TACR1: variants seen among roughly 807,000 people sequenced by gnomAD.
TACR1 encodes the protein substance-P receptor.
A neutral mutation model predicts 35.8 loss-of-function variants in TACR1; 25 were observed. The ratio of observed to expected loss-of-function variants is 0.70; its 90% confidence interval spans 0.51 to 0.98. The LOEUF (loss-of-function observed/expected upper bound fraction) is 0.98, where lower values mean the gene tolerates loss of function less well. Among genes scored for constraint, TACR1 ranks in the 50% least tolerant of loss-of-function variants. The pLI is 0.00. For synonymous variants in TACR1, 195 were observed against 206.7 expected (o/e 0.94, Z 0.48); for missense variants, 478 against 522.9 (o/e 0.91, Z 0.84).
At chr2:75,182,049 C>T (rs918647553) in intron 1 of TACR1, among the ~76,000 whole-genome samples, 1 of 152,224 alleles carries the variant, frequency 6.6e-6, no homozygotes, top group Non-Finnish European at 1.5e-5. Flanking sequence ...CAGGTACTTT[C>T]TAACTTTCTG....
Position 75,120,428 on chromosome 2 carries a change from A to T in TACR1, c.584+146T>A, listed in dbSNP as rs2103908582. 7.5e-6 allele frequency: 5 copies of T among 662,528 alleles called. No individual in the cohort carries two copies. The South Asian group carries it at 1.2e-4, about 16-fold the overall frequency. The allele number at this position is 662,528 out of a possible 1,614,324, so 41.0% of individuals were successfully genotyped here. ...TGACAACTGTGGACATATCAACCTGATATGAGGGTATATGTGAGAAATGCT... is the reference window on the plus strand; with the variant it reads ...TGACAACTGTGGACATATCAACCTGTTATGAGGGTATATGTGAGAAATGCT... On this transcript the variant is annotated intron_variant, in intron 2 of 4. Coordinates refer to ENST00000305249, the MANE Select transcript of TACR1 (RefSeq NM_001058.4).
chr2:75,140,987 CTTT>C (rs1415916406), intron 1 of TACR1, among the ~76,000 whole-genome samples: 1 of 152,124 alleles, frequency 6.6e-6, no homozygotes, highest in African/African-American at 2.4e-5. Context: ...GAGACTATGT[CTTT>C]TTTCCTTCTC....
intron 1 of TACR1, among the ~76,000 whole-genome samples, chr2:75,146,627 G>A (rs752632753): frequency 3.3e-4 from 50 of 152,170 alleles, no homozygotes; most frequent in Non-Finnish European, 5.4e-4. Flanking sequence ...GGATTATTGC[G>A]TTACTTGTGA....
chr2:75,196,297 C>T (rs1471899306), intron 1 of TACR1, among the ~76,000 whole-genome samples: 1 of 152,122 alleles, frequency 6.6e-6, no homozygotes, highest in African/African-American at 2.4e-5. Context: ...GAAATATATT[C>T]ATTGGAAGGC....
intron 1 of TACR1, among the ~76,000 whole-genome samples, chr2:75,173,019 AAAT>A (rs1264240533): frequency 2.6e-5 from 4 of 152,130 alleles, no homozygotes; most frequent in Non-Finnish European, 5.9e-5. Flanking sequence ...TCCTATCAGC[AAAT>A]AAGGCCACAT....
Position 75,090,140 on chromosome 2 carries a change from C to T in TACR1, c.584+30434G>A, listed in dbSNP as rs78844206. On this transcript the variant is annotated intron_variant, in intron 2 of 4. Transcript: ENST00000305249. ...ACCATCTTGCTGGGGTGTGCAGTTC[C>T]CTGCTGTGCCCTCCCCTGAATGTCC... Among the ~76,000 whole-genome samples the T allele has an allele frequency of 1.9e-4, 29 of 152,302 alleles. 1 individual carries two copies. The East Asian group carries it at 5.6e-3, about 29-fold the overall frequency.
In TACR1 at chr2:75,165,146, C is replaced by T. The variant is rs186020377; in HGVS notation, c.389+33400G>A. Among the ~76,000 whole-genome samples, 501 of 152,268 alleles carry T rather than the reference C, an allele frequency of 3.3e-3. 3 individuals are homozygous for T. The highest frequency in any genetic ancestry group is 0.011 in the African/African-American group (452 of 41,540). On this transcript the variant is annotated intron_variant, in intron 1 of 4. Coordinates refer to ENST00000305249, the MANE Select transcript of TACR1 (RefSeq NM_001058.4). ...TTGGATTAGATTCCTATAACGAAAA[C>T]CACTAAGACAAAATACCTCAGCATA...
chr2:75,121,507 C>G (rs1014462873), intron 1 of TACR1, among the ~76,000 whole-genome samples: 1 of 152,204 alleles, frequency 6.6e-6, no homozygotes, highest in Admixed American at 6.5e-5. Context: ...TCCTCCATCG[C>G]TTCATTCCTG....
intron 1 of TACR1, among the ~76,000 whole-genome samples, chr2:75,195,715 GATT>G (rs1675954687): frequency 6.6e-6 from 1 of 152,022 alleles, no homozygotes; most frequent in Non-Finnish European, 1.5e-5. Flanking sequence ...ATATTCCTTA[GATT>G]ATTAATTATA....
At chr2:75,154,406 G>GCGCGCGCGCGCGCGCACACACACACA (rs1264139655) in intron 1 of TACR1, 1 of 78,514 alleles carries the variant, frequency 1.3e-5, no homozygotes, top group African/African-American at 6.4e-5. Context: ...CCAAGAGCGC[G>GCGCGCGCGCGCGCGCACACACACACA]CACGCACACA....
intron 1 of TACR1, among the ~76,000 whole-genome samples, chr2:75,140,493 C>T (rs1194983170): frequency 2.0e-5 from 3 of 152,068 alleles, no homozygotes; most frequent in South Asian, 2.1e-4. Context: ...GTTCCTGATT[C>T]GTCTGTTTCA....
At chr2:75,157,770 TTC>T (rs1674898938) in intron 1 of TACR1, among the ~76,000 whole-genome samples, 1 of 151,948 alleles carries the variant, frequency 6.6e-6, no homozygotes, top group African/African-American at 2.4e-5. Context: ...TTTCATTCTG[TTC>T]TTTCAGTTCT....
intron 2 of TACR1, among the ~76,000 whole-genome samples, chr2:75,096,906 C>T (rs995275690): frequency 6.6e-6 from 1 of 152,218 alleles, no homozygotes; most frequent in African/African-American, 2.4e-5. Context: ...TGGGCTCACA[C>T]CCCATTCTAT....
chr2:75,077,087 C>T (rs753482093), intron 2 of TACR1, among the ~76,000 whole-genome samples: 1 of 152,168 alleles, frequency 6.6e-6, no homozygotes, highest in Non-Finnish European at 1.5e-5. Flanking sequence ...TCTCCTGCTT[C>T]AGCCTCCTGA....
At chr2:75,149,653 G>T (rs1039014384) in intron 1 of TACR1, among the ~76,000 whole-genome samples, 1 of 152,094 alleles carries the variant, frequency 6.6e-6, no homozygotes, top group African/African-American at 2.4e-5. Flanking sequence ...AGATGTTGGG[G>T]TTTTCTAAAT....
intron 1 of TACR1, among the ~76,000 whole-genome samples, chr2:75,149,132 G>A (rs988547825): frequency 2.9e-4 from 44 of 152,132 alleles, no homozygotes; most frequent in African/African-American, 1.0e-3. Flanking sequence ...TAGCCTTGTA[G>A]TATAGTATGA....
At chr2:75,101,077 C>T (rs1673526420) in intron 2 of TACR1, among the ~76,000 whole-genome samples, 1 of 150,126 alleles carries the variant, frequency 6.7e-6, no homozygotes, top group Non-Finnish European at 1.5e-5. Context: ...ACATGTTGGA[C>T]ACGGCAGAAA....
At chr2:75,185,080 G>T (rs1675659521) in intron 1 of TACR1, among the ~76,000 whole-genome samples, 1 of 151,916 alleles carries the variant, frequency 6.6e-6, no homozygotes, top group Non-Finnish European at 1.5e-5. Context: ...AAAGTAGATA[G>T]ATCAGAGAAA....
intron 1 of TACR1, among the ~76,000 whole-genome samples, chr2:75,166,108 C>T (rs1572972920): frequency 6.6e-6 from 1 of 152,168 alleles, no homozygotes; most frequent in Non-Finnish European, 1.5e-5. Context: ...AACATGCAAT[C>T]ATATAGGCAC....
Sources: gnomAD v4.1 joint callset for allele counts (sites outside exome capture counted in the v4.1 genomes callset) on GRCh38, gnomAD v4.1.1 for gene constraint, MANE v1.5 for transcripts, NCBI Gene and HGNC (gene_info 2026-07-23, HGNC 2026-07-21) for gene names.